The following CNTNAP5 variants were observed in gnomAD, a reference collection of about 807,000 sequenced individuals.
CNTNAP5 encodes the protein contactin-associated protein-like 5.
A neutral mutation model predicts 150.2 loss-of-function variants in CNTNAP5; 72 were observed. The observed-to-expected ratio is 0.48, with a 90% CI of 0.40 to 0.58. CNTNAP5 has a LOEUF of 0.58. CNTNAP5 is among the 20% of genes least tolerant of loss of function. The pLI is 0.00. For missense variants in CNTNAP5, 1,636 were observed against 1,626.2 expected, an observed-to-expected ratio of 1.01 and a Z score of -0.10; for synonymous variants, 672 against 619.8, an observed-to-expected ratio of 1.08 and a Z score of -1.25.
intron 1 of CNTNAP5, among the ~76,000 whole-genome samples, chr2:124,051,246 G>A (rs1681687484): frequency 6.6e-6 from 1 of 152,030 alleles, no homozygotes; most frequent in Non-Finnish European, 1.5e-5. Context: ...AAAAGAAAAT[G>A]TCTCATCAGT....
At chr2:124,281,850 C>G (rs141819503) in intron 3 of CNTNAP5, among the ~76,000 whole-genome samples, 68 of 152,280 alleles carry the variant, frequency 4.5e-4, no homozygotes, top group Non-Finnish European at 5.7e-4. Context: ...TCAGGCCGAA[C>G]AGCAATCTCT....
intron 1 of CNTNAP5, among the ~76,000 whole-genome samples, chr2:124,049,560 C>T (rs1382947164): frequency 1.3e-5 from 2 of 152,042 alleles, no homozygotes; most frequent in Non-Finnish European, 2.9e-5. Flanking sequence ...TAAAAATTAC[C>T]AGTTTAAGGG....
At chr2:124,589,854 T>C (rs954082378) in intron 11 of CNTNAP5, among the ~76,000 whole-genome samples, 7 of 152,186 alleles carry the variant, frequency 4.6e-5, no homozygotes, top group Admixed American at 1.3e-4. Context: ...ATCATGAGGA[T>C]TCCTCCTGCT....
intron 10 of CNTNAP5, among the ~76,000 whole-genome samples, chr2:124,533,557 G>A (rs1422668310): frequency 6.6e-6 from 1 of 152,102 alleles, no homozygotes; most frequent in African/African-American, 2.4e-5. Context: ...CCCCACCTAG[G>A]GCCTCAAGCA....
chr2:124,600,730 T>TGAGAGAGAGAGAGAGAGAGAGA (rs1696966224), intron 11 of CNTNAP5, among the ~76,000 whole-genome samples: 1 of 39,768 alleles, frequency 2.5e-5, no homozygotes, highest in Non-Finnish European at 5.1e-5. Flanking sequence ...ACAACAATAC[T>TGAGAGAGAGAGAGAGAGAGAGA]CAGAGAGAGA....
chr2:124,572,877 A>T (rs371223814), intron 11 of CNTNAP5, among the ~76,000 whole-genome samples: 3 of 152,174 alleles, frequency 2.0e-5, no homozygotes, highest in African/African-American at 4.8e-5. Flanking sequence ...TTTTGCAGCT[A>T]TTACTTCTTT....
At chr2:124,591,176 T>C (rs1481647157) in intron 11 of CNTNAP5, among the ~76,000 whole-genome samples, 1 of 152,160 alleles carries the variant, frequency 6.6e-6, no homozygotes, top group Non-Finnish European at 1.5e-5. Flanking sequence ...GGTTTACTAG[T>C]TACTGTTTTT....
intron 10 of CNTNAP5, among the ~76,000 whole-genome samples, chr2:124,542,026 A>G (rs1311997605): frequency 6.6e-6 from 1 of 152,048 alleles, no homozygotes; most frequent in African/African-American, 2.4e-5. Context: ...TTATTCCTTT[A>G]GACAGGGTTT....
chr2:124,052,402 C>T (rs1049650627), intron 1 of CNTNAP5, among the ~76,000 whole-genome samples: 3 of 152,192 alleles, frequency 2.0e-5, no homozygotes, highest in Non-Finnish European at 2.9e-5. Flanking sequence ...TGTGAGTTAA[C>T]AGGACACAGC....
chr2:124,603,318 T>C (rs762932079), intron 11 of CNTNAP5, among the ~76,000 whole-genome samples: 1 of 152,138 alleles, frequency 6.6e-6, no homozygotes, highest in Non-Finnish European at 1.5e-5. Context: ...ACATTTATCT[T>C]CAATTTTTGT....
chr2:124,271,771 T>C (rs1405251124), intron 3 of CNTNAP5, among the ~76,000 whole-genome samples: 1 of 151,944 alleles, frequency 6.6e-6, no homozygotes, highest in African/African-American at 2.4e-5. Flanking sequence ...CTGTAGTGCA[T>C]TGGCACGATC....
At chr2:124,181,846 G>A (rs954489605) in intron 1 of CNTNAP5, among the ~76,000 whole-genome samples, 1 of 152,096 alleles carries the variant, frequency 6.6e-6, no homozygotes, top group African/African-American at 2.4e-5. Flanking sequence ...TGATGATGAT[G>A]GTATTAATTA....
At chr2:124,195,376 AG>A (rs1200398188) in intron 1 of CNTNAP5, among the ~76,000 whole-genome samples, 1 of 152,160 alleles carries the variant, frequency 6.6e-6, no homozygotes, top group Non-Finnish European at 1.5e-5. Flanking sequence ...CCCCTTGCGC[AG>A]GGGGCTGCCA....
chr2:124,881,809 A>G (rs1558811978), intron 21 of CNTNAP5, among the ~76,000 whole-genome samples: 1 of 152,038 alleles, frequency 6.6e-6, no homozygotes, highest in Non-Finnish European at 1.5e-5. Context: ...TTTGTTGTCA[A>G]TATTCTTATC....
intron 11 of CNTNAP5, among the ~76,000 whole-genome samples, chr2:124,592,301 CCA>C (rs1006025152): frequency 6.6e-6 from 1 of 151,756 alleles, no homozygotes; most frequent in African/African-American, 2.4e-5. Context: ...TTGCTAAATT[CCA>C]CATTTAGGAT....
intron 3 of CNTNAP5, among the ~76,000 whole-genome samples, chr2:124,252,097 T>G (rs1355474040): frequency 3.3e-5 from 5 of 152,194 alleles, no homozygotes; most frequent in Admixed American, 3.3e-4. Context: ...CTGGGCATCC[T>G]CCAGGCCTTC....
rs1238000692 is a variant in CNTNAP5, at chr2:124,710,891, C to T, written c.2078-36338C>T. On this transcript the variant is annotated intron_variant, in intron 13 of 23. Coordinates refer to ENST00000682447, the MANE Select transcript of CNTNAP5 (RefSeq NM_001367498.1). ...TGGAAAGTTTTCCACTGCTTCTCTCCTTGCCATTACTGTGCATTCATGTTG... is the reference window on the plus strand; with the variant it reads ...TGGAAAGTTTTCCACTGCTTCTCTCTTTGCCATTACTGTGCATTCATGTTG... Among the ~76,000 whole-genome samples the T allele has an allele frequency of 6.6e-5, 10 of 152,310 alleles. No individual in the cohort carries two copies. In the East Asian group the frequency reaches 1.7e-3, roughly 26 times the overall value.
chr2:124,563,796 C>A (rs564581884), intron 11 of CNTNAP5, among the ~76,000 whole-genome samples: 1 of 152,314 alleles, frequency 6.6e-6, no homozygotes, highest in Admixed American at 6.5e-5. Flanking sequence ...TAACAAAATT[C>A]TATTATCTGG....
chr2:124,389,416 T>A (rs139336330), intron 3 of CNTNAP5, among the ~76,000 whole-genome samples: 36 of 152,370 alleles, frequency 2.4e-4, no homozygotes, highest in African/African-American at 8.7e-4. Context: ...TAGTTCCTGC[T>A]ATAGCTAGTT....
Sources: gnomAD v4.1 joint callset for allele counts (sites outside exome capture counted in the v4.1 genomes callset) on GRCh38, gnomAD v4.1.1 for gene constraint, MANE v1.5 for transcripts, NCBI Gene and HGNC (gene_info 2026-07-23, HGNC 2026-07-21) for gene names.